The following BTNL9 variants were observed in gnomAD, a reference collection of about 807,000 sequenced individuals.
The protein encoded by BTNL9 is butyrophilin-like protein 9.
In BTNL9, 45 loss-of-function variants were observed where a neutral mutation model predicts 45.8. That is an observed-to-expected ratio of 0.98 (90% CI 0.77 to 1.26). The LOEUF (loss-of-function observed/expected upper bound fraction) is 1.26, where lower values mean the gene tolerates loss of function less well. Ranked by LOEUF, BTNL9 falls within the 50% of genes most tolerant of loss-of-function variation. The pLI is 0.00. For missense variants in BTNL9, 784 were observed against 729.7 expected (o/e 1.07, Z -0.86); for synonymous variants, 346 against 330.8 (o/e 1.05, Z -0.50).
At chr5:181,045,096 G>T (rs533720718) in intron 1 of BTNL9, among the ~76,000 whole-genome samples, 1 of 152,206 alleles carries the variant, frequency 6.6e-6, no homozygotes, top group African/African-American at 2.4e-5. Context: ...TTCAGAGATT[G>T]CCCTTTGTTT....
chr5:181,054,271 G>A lies in BTNL9; in HGVS notation c.907+12G>A, dbSNP rs372690028. On this transcript the variant is annotated intron_variant, in intron 7 of 10. Coordinates refer to ENST00000327705, the MANE Select transcript of BTNL9 (RefSeq NM_152547.5). The stretch of plus-strand genomic sequence containing the variant: ...CACTGCAGAGCTGGGTAAGTTCTGG[G>A]TGCGGGGCCACAGTGCTGCCTGTCA... 4 of 1,610,616 alleles carry A rather than the reference G, an allele frequency of 2.5e-6. No homozygotes were observed. In the African/African-American group the frequency reaches 4.0e-5, roughly 16 times the overall value.
intron 10 of BTNL9, among the ~76,000 whole-genome samples, chr5:181,058,944 G>C (rs1435772561): frequency 1.3e-5 from 2 of 152,070 alleles, no homozygotes; most frequent in East Asian, 1.9e-4. Context: ...CCCCTTGACC[G>C]GGACGTGGCT....
In BTNL9 at chr5:181,055,147, A is replaced by G; in HGVS notation, c.908-286A>G. ...GCTTGTGATTTCAGGCAGAAGGAAC[A>G]ACCCCAACCCTGGGAAGAGGCCTGT... On this transcript the variant is annotated intron_variant, in intron 7 of 10. Coordinates refer to ENST00000327705, the MANE Select transcript of BTNL9 (RefSeq NM_152547.5). This position sits in a 1 kb window ranked among gnomAD's most constrained non-coding sequence, Gnocchi z 4.4. 1 of 1,213,238 alleles carries G rather than the reference A, an allele frequency of 8.2e-7. No individual in the cohort carries two copies. Among genetic ancestry groups the G allele is most frequent in the Non-Finnish European group, 1.0e-6 (1 of 972,996 alleles). The allele number at this position is 1,213,238 out of a possible 1,614,324, so 75.2% of individuals were successfully genotyped here. A position where few individuals can be genotyped will look rare whatever the true frequency, so the allele number is the denominator to read the frequency against.
intron 3 of BTNL9, among the ~76,000 whole-genome samples, chr5:181,048,982 G>A (rs1386155134): frequency 6.8e-6 from 1 of 146,566 alleles, no homozygotes; most frequent in Admixed American, 7.0e-5. Context: ...TACTCATAGT[G>A]AGAGAAAGGC....
intron 2 of BTNL9, among the ~76,000 whole-genome samples, chr5:181,046,931 G>A (rs1396468539): frequency 6.6e-6 from 1 of 152,168 alleles, no homozygotes; most frequent in African/African-American, 2.4e-5. Context: ...GAGACAGCCG[G>A]AGAGAACCTG....
At chr5:181,059,093 G>A in intron 10 of BTNL9, 144 bp from the exon 11 acceptor site, 1 of 1,333,936 alleles carries the variant, frequency 7.5e-7, no homozygotes, top group South Asian at 1.6e-5. Flanking sequence ...CTGGGGAGGG[G>A]GTTTGCAGGG....
At chr5:181,051,240 CTTA>C (rs1225667512) in intron 4 of BTNL9, among the ~76,000 whole-genome samples, 1 of 151,962 alleles carries the variant, frequency 6.6e-6, no homozygotes, top group Non-Finnish European at 1.5e-5. Context: ...TTATTAAAGT[CTTA>C]TTATGAGGCA....
Position 181,055,030 on chromosome 5 carries a change from A to C in BTNL9, c.908-403A>C, listed in dbSNP as rs780709266. ...AAATAATTGGGTGTGATGTCCTTCC[A>C]GTCCTTCAGATAACGCACCCGGTGA... On this transcript the variant is annotated intron_variant, in intron 7 of 10. Coordinates refer to ENST00000327705, the MANE Select transcript of BTNL9 (RefSeq NM_152547.5). This position sits in a 1 kb window ranked among gnomAD's most constrained non-coding sequence, Gnocchi z 4.4. The C allele has an allele frequency of 7.1e-6, 7 of 985,472 alleles. No individual in the cohort carries two copies. Among genetic ancestry groups the C allele is most frequent in the Non-Finnish European group, 8.4e-6 (7 of 829,930 alleles). 61.0% of individuals were successfully genotyped at this position (985,472 alleles called of 1,614,324 possible).
rs199752218 is a variant in BTNL9, at chr5:181,050,084, C to G, written c.455-4C>G. Reference sequence around the variant, plus strand: ...ACCTTTCCCACTCCTCCTGCCTCCACCAGGGCTGGGCTCAGACCCTCACCT... The same window carrying G: ...ACCTTTCCCACTCCTCCTGCCTCCAGCAGGGCTGGGCTCAGACCCTCACCT... On this transcript the variant is annotated splice_polypyrimidine_tract_variant and splice_region_variant and intron_variant, in intron 3 of 10. Coordinates refer to ENST00000327705, the MANE Select transcript of BTNL9 (RefSeq NM_152547.5). The surrounding 1 kb of genome is among the most constrained non-coding windows in gnomAD (Gnocchi z 4.9). 16 of 1,611,188 alleles carry G rather than the reference C, an allele frequency of 9.9e-6. No individual in the cohort carries two copies. Among genetic ancestry groups the G allele is most frequent in the Non-Finnish European group, 1.4e-5 (16 of 1,178,238 alleles).
Position 181,053,195 on chromosome 5 carries a change from T to C in BTNL9, c.737-5T>C. Reference sequence around the variant, plus strand: ...ACCGACACGGCCCCCGCGGGTGTTTTCCAGACGTGTTCGTACCCGGAGCCT... The same window carrying C: ...ACCGACACGGCCCCCGCGGGTGTTTCCCAGACGTGTTCGTACCCGGAGCCT... On this transcript the variant is annotated splice_region_variant and splice_polypyrimidine_tract_variant and intron_variant, in intron 4 of 10. Coordinates refer to ENST00000327705, the MANE Select transcript of BTNL9 (RefSeq NM_152547.5). This position sits in a 1 kb window ranked among gnomAD's most constrained non-coding sequence, Gnocchi z 6.5. 6.3e-7 allele frequency: 1 copy of C among 1,577,104 alleles called. No individual in the cohort carries two copies. Among genetic ancestry groups the C allele is most frequent in the Non-Finnish European group, 8.6e-7 (1 of 1,162,994 alleles).
At chr5:181,047,887 G>A (rs779115617) in intron 2 of BTNL9, 40 bp from the exon 3 acceptor site, 6 of 1,553,580 alleles carry the variant, frequency 3.9e-6, no homozygotes, top group Admixed American at 3.6e-5. Context: ...TTAAAAATTG[G>A]ATGAGGGTTG....
Position 181,054,752 on chromosome 5 carries a change from G to A in BTNL9, c.907+493G>A, listed in dbSNP as rs999441764. ...AAAGGCCATCATGGTGTTGGGGTTG[G>A]GGGGGCAATTCAGATGAAACTGTAA... On this transcript the variant is annotated intron_variant, in intron 7 of 10. Transcript: ENST00000327705. 2.0e-6 allele frequency: 2 copies of A among 985,308 alleles called. 1 individual carries two copies. Among genetic ancestry groups the A allele is most frequent in the Middle Eastern group, 1.0e-3 (2 of 1,914 alleles). 61.0% of individuals were successfully genotyped at this position (985,308 alleles called of 1,614,324 possible).
intron 2 of BTNL9, 58 bp downstream of exon 2, chr5:181,045,656 C>T (rs1041191790): frequency 3.0e-6 from 4 of 1,336,488 alleles, no homozygotes; most frequent in South Asian, 1.2e-5. Context: ...CTGCCAGGTG[C>T]TCCCCAGGGC....
At position 181,055,517 on chromosome 5, in the gene BTNL9, C is replaced by T. The variant is rs561162170; in HGVS notation, c.928+64C>T. The T allele has an allele frequency of 1.5e-4, 236 of 1,590,664 alleles. No individual in the cohort carries two copies. Among genetic ancestry groups the T allele is most frequent in the Non-Finnish European group, 1.9e-4 (226 of 1,159,484 alleles). ...GGGTCCAGTGGCTCACACCTGTAAT[C>T]CCAGTACTTTGGGAGGCCGAGGCGG... On this transcript the variant is annotated intron_variant, in intron 8 of 10. Coordinates refer to ENST00000327705, the MANE Select transcript of BTNL9 (RefSeq NM_152547.5). This position sits in a 1 kb window ranked among gnomAD's most constrained non-coding sequence, Gnocchi z 4.4.
intron 3 of BTNL9, among the ~76,000 whole-genome samples, chr5:181,048,618 G>T (rs1761321261): frequency 6.6e-6 from 1 of 150,952 alleles, no homozygotes; most frequent in African/African-American, 2.4e-5. Context: ...CGTGCCTGTA[G>T]TCCCAGCTAC....
intron 10 of BTNL9, 77 bp from the exon 11 acceptor site, chr5:181,059,160 G>T: frequency 7.1e-7 from 1 of 1,413,474 alleles, no homozygotes; most frequent in East Asian, 2.9e-5. Context: ...AGAAACGAGA[G>T]GTTTGTCCGC....
rs1199048347 is a variant in BTNL9, at chr5:181,059,634, G to A, written c.1380G>A (p.Leu460=). 6.2e-7 allele frequency: 1 copy of A among 1,613,542 alleles called. No individual in the cohort carries two copies. The highest frequency in any genetic ancestry group is 8.5e-7 in the Non-Finnish European group (1 of 1,179,962). ...TCCTGGACTACGAGGCCGGAGAGCTGTCCTTCTTCAACGTGTCCGACGGCT... is the reference window on the plus strand; with the variant it reads ...TCCTGGACTACGAGGCCGGAGAGCTATCCTTCTTCAACGTGTCCGACGGCT... ...GVFLDYEAGE[L]SFFNVSDGSH... Residue 460 remains leucine, a synonymous_variant, in exon 11 of 11, where the codon CTG becomes CTA. Coordinates refer to ENST00000327705, the MANE Select transcript of BTNL9 (RefSeq NM_152547.5).
chr5:181,054,041 G>C (rs1472410004), intron 6 of BTNL9, 198 bp from the exon 7 acceptor site: 1 of 1,543,500 alleles, frequency 6.5e-7, no homozygotes, highest in Non-Finnish European at 8.7e-7. Context: ...TATGCAGAAG[G>C]GCAGCCAAGG....
intron 7 of BTNL9, 109 bp downstream of exon 7, chr5:181,054,368 A>C: frequency 6.4e-7 from 1 of 1,555,894 alleles, no homozygotes; most frequent in Admixed American, 2.0e-5. Flanking sequence ...TCTAATTCTA[A>C]ACCATCCCTG....
Sources: gnomAD v4.1 joint callset for allele counts (sites outside exome capture counted in the v4.1 genomes callset) on GRCh38, gnomAD v4.1.1 for gene constraint, Gnocchi (gnomAD v3.1) non-coding constraint, MANE v1.5 for transcripts, NCBI Gene and HGNC (gene_info 2026-07-23, HGNC 2026-07-21) for gene names.